The following CWC22 variants were observed in gnomAD, a reference collection of about 807,000 sequenced individuals.
CWC22 encodes pre-mRNA-splicing factor CWC22 homolog.
In CWC22, 53 loss-of-function variants were observed where a neutral mutation model predicts 117.2. The observed-to-expected ratio is 0.45, with a 90% CI of 0.36 to 0.57. CWC22 has a LOEUF of 0.57. CWC22 is among the 20% of genes least tolerant of loss of function. The probability of loss-of-function intolerance (pLI) is 0.00; values close to 1 mark genes in which losing one functional copy is unlikely to be tolerated. For synonymous variants in CWC22, 360 were observed against 355.6 expected, an observed-to-expected ratio of 1.01 and a Z score of -0.14; for missense variants, 980 against 1,068.8, an observed-to-expected ratio of 0.92 and a Z score of 1.16.
At position 179,950,489 on chromosome 2, in the gene CWC22, A is replaced by G. The variant is rs751703060; in HGVS notation, c.2140+23T>C. 4 of 1,480,718 alleles carry G rather than the reference A, an allele frequency of 2.7e-6. No individual in the cohort carries two copies. The African/African-American group carries it at 5.6e-5, about 21-fold the overall frequency. 91.7% of individuals were successfully genotyped at this position (1,480,718 alleles called of 1,614,324 possible). A position where few individuals can be genotyped will look rare whatever the true frequency, so the allele number is the denominator to read the frequency against. On this transcript the variant is annotated intron_variant, in intron 19 of 19. Coordinates refer to ENST00000410053, the MANE Select transcript of CWC22 (RefSeq NM_020943.3). ...CATATTTATTAGAAAAGAGCAAGCC[A>G]AATTACACATAAGCTTCAATACCTG... is the stretch of plus-strand genomic sequence containing the variant.
intron 19 of CWC22, among the ~76,000 whole-genome samples, 184 bp downstream of exon 19, chr2:179,950,324 AATCC>A (rs1686411828): frequency 1.3e-5 from 2 of 152,200 alleles, no homozygotes; most frequent in Non-Finnish European, 2.9e-5. Flanking sequence ...GTCAAAAGGT[AATCC>A]CAGCATTATA....
intron 15 of CWC22, 136 bp from the exon 16 acceptor site, chr2:179,954,493 T>C: frequency 1.8e-6 from 1 of 570,690 alleles, no homozygotes; most frequent in Non-Finnish European, 3.0e-6. Flanking sequence ...CTAAATCCTT[T>C]TGTGCCATAT....
intron 6 of CWC22, 51 bp from the exon 7 acceptor site, chr2:179,973,853 T>A: frequency 9.3e-7 from 1 of 1,074,542 alleles, no homozygotes; most frequent in Non-Finnish European, 1.3e-6. Flanking sequence ...CCAAATTAAT[T>A]AAACGAAACA....
At chr2:179,983,869 G>T (rs1687349267) in intron 4 of CWC22, among the ~76,000 whole-genome samples, 1 of 152,168 alleles carries the variant, frequency 6.6e-6, no homozygotes. Context: ...GCTACAGCAG[G>T]GATTTCCTGA....
intron 1 of CWC22, among the ~76,000 whole-genome samples, chr2:180,006,549 A>C (rs763309536): frequency 6.6e-6 from 1 of 152,238 alleles, no homozygotes; most frequent in Non-Finnish European, 1.5e-5. Context: ...ATGAAAAAGA[A>C]GACGCTAATG....
intron 5 of CWC22, among the ~76,000 whole-genome samples, chr2:179,979,176 A>G (rs183942556): frequency 6.6e-6 from 1 of 152,332 alleles, no homozygotes; most frequent in Admixed American, 6.5e-5. Context: ...GATGATATAT[A>G]CAATGAATAG....
chr2:179,970,876 A>C lies in CWC22; in HGVS notation c.941-20T>G. The C allele has an allele frequency of 6.2e-7, 1 of 1,609,518 alleles. No individual in the cohort carries two copies. The highest frequency in any genetic ancestry group is 8.5e-7 in the Non-Finnish European group (1 of 1,176,590). On this transcript the variant is annotated intron_variant, in intron 9 of 19. Transcript: ENST00000410053. ...ATATAGCTAAAAGTTAACAGAAAGA[A>C]AAGACAATAAAATAAGCAATAAATA...
intron 8 of CWC22, 132 bp from the exon 9 acceptor site, chr2:179,971,208 A>C (rs555544417): frequency 1.7e-6 from 1 of 575,146 alleles, no homozygotes; most frequent in Admixed American, 3.7e-5. Flanking sequence ...AAGTTTTATA[A>C]AGCACATGGA....
chr2:179,945,267 G>A lies in CWC22; in HGVS notation c.2589C>T (p.Gly863=). The A allele has an allele frequency of 6.2e-7, 1 of 1,613,630 alleles. No homozygotes were observed. ...KSKEMNRKHS[G]SRSDEDRYQN... ...GATATCTATCTTCATCACTTCTTGA[G>A]CCTGAGTGCTTTCTATTCATTTCCT... The change falls in exon 20 of 20, where the codon GGC becomes GGT. Residue 863 remains glycine, a synonymous_variant. Coordinates refer to ENST00000410053, the MANE Select transcript of CWC22 (RefSeq NM_020943.3).
rs370254295 is a variant in CWC22, at chr2:179,982,007, A to G, written c.207-10T>C. 2 of 1,442,838 alleles carry G rather than the reference A, an allele frequency of 1.4e-6. No individual in the cohort carries two copies. Among genetic ancestry groups the G allele is most frequent in the African/African-American group, 1.4e-5 (1 of 69,956 alleles). The allele number at this position is 1,442,838 out of a possible 1,614,324, so 89.4% of individuals were successfully genotyped here. On this transcript the variant is annotated splice_polypyrimidine_tract_variant and intron_variant, in intron 4 of 19. Coordinates refer to ENST00000410053, the MANE Select transcript of CWC22 (RefSeq NM_020943.3). ...TTCTCGGTCCCTGTTTCTGTAATAT[A>G]AATTTTTTGAAGAGCAGAAAAGACA...
intron 13 of CWC22, among the ~76,000 whole-genome samples, chr2:179,960,547 A>G (rs558218345): frequency 6.6e-6 from 1 of 152,142 alleles, no homozygotes; most frequent in African/African-American, 2.4e-5. Flanking sequence ...AAACAACTGG[A>G]GGTAAAAACA....
At chr2:179,981,399 A>C (rs1575652058) in intron 5 of CWC22, among the ~76,000 whole-genome samples, 1 of 152,330 alleles carries the variant, frequency 6.6e-6, no homozygotes, top group East Asian at 1.9e-4. Context: ...TTTTAGAACT[A>C]AAATGTCAGT....
chr2:180,006,312 A>T (rs74606729), intron 1 of CWC22, among the ~76,000 whole-genome samples: 127 of 152,320 alleles, frequency 8.3e-4, no homozygotes, highest in African/African-American at 3.0e-3. Context: ...TTTGCAGTTA[A>T]ACTCAGTGAA....
chr2:179,984,696 G>T (rs1438599758), intron 4 of CWC22, among the ~76,000 whole-genome samples: 1 of 151,936 alleles, frequency 6.6e-6, no homozygotes, highest in Non-Finnish European at 1.5e-5. Flanking sequence ...GGAGAAAGCT[G>T]GTTTTATGAA....
At chr2:179,971,201 T>C (rs1687024136) in intron 8 of CWC22, 125 bp from the exon 9 acceptor site, 2 of 608,742 alleles carry the variant, frequency 3.3e-6, no homozygotes, top group Non-Finnish European at 5.2e-6. Context: ...ATGGGCAAAG[T>C]TTTATAAAGC....
At position 179,973,844 on chromosome 2, in the gene CWC22, C is replaced by T. The variant is rs765177516; in HGVS notation, c.582-42G>A. The T allele has an allele frequency of 3.3e-6, 4 of 1,200,110 alleles. No individual in the cohort carries two copies. In the South Asian group the frequency reaches 7.5e-5, roughly 23 times the overall value. The allele number at this position is 1,200,110 out of a possible 1,614,324, so 74.3% of individuals were successfully genotyped here. A position where few individuals can be genotyped will look rare whatever the true frequency, so the allele number is the denominator to read the frequency against. On this transcript the variant is annotated intron_variant, in intron 6 of 19. Coordinates refer to ENST00000410053, the MANE Select transcript of CWC22 (RefSeq NM_020943.3). Reference sequence around the variant, plus strand: ...TTAAAAAGGAGTCAACAATAATCACCAAATTAATTAAACGAAACAAAAACT... The same window carrying T: ...TTAAAAAGGAGTCAACAATAATCACTAAATTAATTAAACGAAACAAAAACT...
chr2:179,977,503 G>A (rs1333195686), intron 6 of CWC22, among the ~76,000 whole-genome samples: 3 of 152,054 alleles, frequency 2.0e-5, no homozygotes, highest in Non-Finnish European at 2.9e-5. Context: ...ACTAATATGC[G>A]GAATCTAAAA....
At chr2:179,999,084 G>A (rs778502953) in intron 1 of CWC22, among the ~76,000 whole-genome samples, 2 of 152,026 alleles carry the variant, frequency 1.3e-5, no homozygotes, top group African/African-American at 4.8e-5. Flanking sequence ...GTCTCACAAC[G>A]TAAGTGTGAA....
intron 8 of CWC22, 82 bp from the exon 9 acceptor site, chr2:179,971,158 A>T: frequency 3.0e-6 from 3 of 995,224 alleles, no homozygotes; most frequent in Non-Finnish European, 4.2e-6. Flanking sequence ...AAAAATTAGT[A>T]AATCTGTTTA....
Sources: allele counts gnomAD v4.1 joint callset (sites outside exome capture counted in the v4.1 genomes callset), GRCh38; gene constraint gnomAD v4.1.1; transcripts MANE v1.5; gene names NCBI Gene and HGNC (gene_info 2026-07-23, HGNC 2026-07-21).